Variants in CABP1 observed in about 807,000 individuals in gnomAD.
CABP1 encodes calcium binding protein 1, also known as calcium-binding protein 1.
In CABP1, 17 loss-of-function variants were observed where a neutral mutation model predicts 34.3. The ratio of observed to expected loss-of-function variants is 0.50; its 90% CI spans 0.34 to 0.74. The LOEUF (loss-of-function observed/expected upper bound fraction) is 0.74, where lower values mean the gene tolerates loss of function less well. Ranked by LOEUF, CABP1 falls within the 30% of genes least tolerant of loss-of-function variation. The probability of loss-of-function intolerance (pLI) is 0.01; values close to 1 mark genes in which losing one functional copy is unlikely to be tolerated. For synonymous variants in CABP1, 198 were observed against 229.2 expected (o/e 0.86, Z 1.23); for missense variants, 373 against 511.1 (o/e 0.73, Z 2.61).
the CABP1 span, among the ~76,000 whole-genome samples, chr12:120,675,687 C>T: frequency 6.6e-6 from 1 of 152,230 alleles, no homozygotes; most frequent in Admixed American, 6.5e-5. Flanking sequence ...TTGAGGCTCC[C>T]TCCCCCTCAC....
intron 1 of CABP1, among the ~76,000 whole-genome samples, chr12:120,656,565 A>C (rs1254062323): frequency 6.6e-6 from 1 of 152,118 alleles, no homozygotes; most frequent in Admixed American, 6.5e-5. Context: ...CAGCTCTAAG[A>C]GGTAGGTGCT....
chr12:120,650,645 A>C, intron 1 of CABP1: 1 of 1,614,068 alleles, frequency 6.2e-7, no homozygotes, highest in Non-Finnish European at 8.5e-7. Context: ...AGGATGGGCA[A>C]CTGTGTCAAG....
At chr12:120,673,912 T>A in the CABP1 span, among the ~76,000 whole-genome samples, 1 of 152,258 alleles carries the variant, frequency 6.6e-6, no homozygotes, top group Admixed American at 6.5e-5. Flanking sequence ...CCTGGTGTGG[T>A]GGCTCATGCC....
At chr12:120,655,434 C>CA in intron 1 of CABP1, 1 of 656,090 alleles carries the variant, frequency 1.5e-6, no homozygotes, top group Non-Finnish European at 1.9e-6. Flanking sequence ...TAGCCACACA[C>CA]GAAAAAGGAG....
intron 1 of CABP1, among the ~76,000 whole-genome samples, chr12:120,658,286 C>T (rs1489025847): frequency 3.3e-5 from 5 of 151,946 alleles, no homozygotes; most frequent in African/African-American, 7.3e-5. Flanking sequence ...TTGGTAGAGA[C>T]GAGGTCTCAC....
rs867252239 is a variant in CABP1 at position 120,641,627 on chromosome 12, C to T, written c.654+288C>T. 1.9e-5 allele frequency: 6 copies of T among 313,804 alleles called. No individual in the cohort carries two copies. The highest frequency in any genetic ancestry group is 5.0e-5 in the Admixed American group (1 of 19,834). 19.4% of individuals were successfully genotyped at this position (313,804 alleles called of 1,614,324 possible). ...CAGTCCTGGAAGAGAGCGACCTCTACGACCGTCCTGGAGATTTGCGGGGGT... is the reference window on the plus strand; with the variant it reads ...CAGTCCTGGAAGAGAGCGACCTCTATGACCGTCCTGGAGATTTGCGGGGGT... On this transcript the variant is annotated intron_variant, in intron 1 of 5. Coordinates refer to ENST00000316803, the MANE Select transcript of CABP1 (RefSeq NM_001033677.2). This position sits in a 1 kb window ranked among gnomAD's most constrained non-coding sequence, Gnocchi z 6.7.
chr12:120,677,591 T>TG, the CABP1 span, among the ~76,000 whole-genome samples: 52 of 151,150 alleles, frequency 3.4e-4, no homozygotes, highest in East Asian at 3.7e-3. Flanking sequence ...GAGATGGGAG[T>TG]GGGGGGTGTC....
At chr12:120,672,727 A>G in the CABP1 span, among the ~76,000 whole-genome samples, 2 of 127,992 alleles carry the variant, frequency 1.6e-5, no homozygotes, top group Admixed American at 7.7e-5. Flanking sequence ...AAAAAAAAAA[A>G]CCACAAAGAA....
Position 120,660,864 on chromosome 12 carries a change from A to G in CABP1, c.939+24A>G. 1.3e-6 allele frequency: 2 copies of G among 1,550,778 alleles called. No homozygotes were observed. The highest frequency in any genetic ancestry group is 1.8e-6 in the Non-Finnish European group (2 of 1,122,318). On this transcript the variant is annotated intron_variant, in intron 4 of 5. Transcript: ENST00000316803. The surrounding 1 kb of genome is among the most constrained non-coding windows in gnomAD (Gnocchi z 5.0). Reference sequence around the variant, plus strand: ...AGGTAACGGACAGAGGCAGGCAGGCATGGGGCGGCTATTGGAATCCTATCT... The same window carrying G: ...AGGTAACGGACAGAGGCAGGCAGGCGTGGGGCGGCTATTGGAATCCTATCT...
chr12:120,674,816 G>A, the CABP1 span, among the ~76,000 whole-genome samples: 2 of 151,352 alleles, frequency 1.3e-5, no homozygotes, highest in African/African-American at 2.4e-5. Context: ...GCTTGAACCC[G>A]GGAGGCAGAG....
In CABP1 at chr12:120,660,869, G is replaced by A; in HGVS notation, c.939+29G>A. 6.5e-7 allele frequency: 1 copy of A among 1,533,202 alleles called. No individual in the cohort carries two copies. Among genetic ancestry groups the A allele is most frequent in the Non-Finnish European group, 9.0e-7 (1 of 1,106,204 alleles). 95.0% of individuals were successfully genotyped at this position (1,533,202 alleles called of 1,614,324 possible). The stretch of plus-strand genomic sequence containing the variant: ...ACGGACAGAGGCAGGCAGGCATGGG[G>A]CGGCTATTGGAATCCTATCTGCAGT... On this transcript the variant is annotated intron_variant, in intron 4 of 5. Coordinates refer to ENST00000316803, the MANE Select transcript of CABP1 (RefSeq NM_001033677.2). This position sits in a 1 kb window ranked among gnomAD's most constrained non-coding sequence, Gnocchi z 5.0.
the CABP1 span, among the ~76,000 whole-genome samples, chr12:120,680,354 G>C: frequency 1.3e-5 from 2 of 152,176 alleles, no homozygotes; most frequent in African/African-American, 4.8e-5. Flanking sequence ...CTGGGAAGCC[G>C]CTGAGGAAGG....
At chr12:120,676,615 T>TG in the CABP1 span, among the ~76,000 whole-genome samples, 2 of 152,046 alleles carry the variant, frequency 1.3e-5, no homozygotes, top group African/African-American at 4.8e-5. Context: ...TTAGTAAAGA[T>TG]GGGGTCTCTC....
downstream of CABP1, among the ~76,000 whole-genome samples, chr12:120,671,541 G>A (rs1285027460): frequency 6.6e-6 from 1 of 152,210 alleles, no homozygotes; most frequent in Non-Finnish European, 1.5e-5. Flanking sequence ...TCAACAGGGA[G>A]GCAGGACCCC....
chr12:120,680,264 G>T, the CABP1 span, among the ~76,000 whole-genome samples: 1 of 152,122 alleles, frequency 6.6e-6, no homozygotes, highest in African/African-American at 2.4e-5. Context: ...GCCCATTTAA[G>T]AACTACCTAT....
the CABP1 span, among the ~76,000 whole-genome samples, chr12:120,677,194 TCTC>T: frequency 7.0e-6 from 1 of 143,586 alleles, no homozygotes; most frequent in African/African-American, 2.6e-5. Context: ...CTCAAGCGAC[TCTC>T]CTGCCTCAGC....
downstream of CABP1, among the ~76,000 whole-genome samples, chr12:120,670,749 A>C (rs1881225718): frequency 6.6e-6 from 1 of 152,138 alleles, no homozygotes; most frequent in Non-Finnish European, 1.5e-5. Context: ...TTTTGTCTCG[A>C]AAACCAAAAA....
the CABP1 span, among the ~76,000 whole-genome samples, chr12:120,676,454 T>C: frequency 6.6e-6 from 1 of 151,732 alleles, no homozygotes; most frequent in Non-Finnish European, 1.5e-5. Context: ...TGAGACAGAG[T>C]TTTGCTCTTG....
In CABP1 at chr12:120,661,558, C is replaced by G. The variant is rs2137365242; in HGVS notation, c.1087+340C>G. The G allele has an allele frequency of 8.4e-6, 2 of 236,718 alleles. No individual in the cohort carries two copies. The highest frequency in any genetic ancestry group is 1.0e-4 in the Admixed American group (2 of 19,516). The allele number at this position is 236,718 out of a possible 1,614,324, so 14.7% of individuals were successfully genotyped here. On this transcript the variant is annotated intron_variant, in intron 5 of 5. Coordinates refer to ENST00000316803, the MANE Select transcript of CABP1 (RefSeq NM_001033677.2). The surrounding 1 kb of genome is among the most constrained non-coding windows in gnomAD (Gnocchi z 5.1). ...ATCCATCCATCCATCCTCTACCTATCCATCCATCTGTCCATTTATCCATTC... is the reference window on the plus strand; with the variant it reads ...ATCCATCCATCCATCCTCTACCTATGCATCCATCTGTCCATTTATCCATTC...
Sources: allele counts gnomAD v4.1 joint callset (sites outside exome capture counted in the v4.1 genomes callset), GRCh38; gene constraint gnomAD v4.1.1; non-coding constraint Gnocchi (gnomAD v3.1); transcripts MANE v1.5; gene names NCBI Gene and HGNC (gene_info 2026-07-23, HGNC 2026-07-21).